CATSPERB: variants seen among roughly 807,000 people sequenced by gnomAD.
The protein encoded by CATSPERB is catsper channel auxiliary subunit beta, also known as cation channel sperm-associated auxiliary subunit beta.
A neutral mutation model predicts 128.3 loss-of-function variants in CATSPERB; 93 were observed. The observed-to-expected ratio is 0.72, with a 90% CI of 0.61 to 0.86. The LOEUF is 0.86. CATSPERB is among the 40% of genes least tolerant of loss of function. The pLI is 0.00. For missense variants in CATSPERB, 1,153 were observed against 1,329.5 expected (o/e 0.87, Z 2.06); for synonymous variants, 381 against 448.8 (o/e 0.85, Z 1.91).
At chr14:91,702,131 A>G (rs1895661272) in intron 7 of CATSPERB, among the ~76,000 whole-genome samples, 1 of 151,902 alleles carries the variant, frequency 6.6e-6, no homozygotes, top group Non-Finnish European at 1.5e-5. Flanking sequence ...TTTCATTTGT[A>G]AGGCAGAATC....
At chr14:91,690,079 G>A (rs1407241734) in intron 10 of CATSPERB, among the ~76,000 whole-genome samples, 2 of 152,128 alleles carry the variant, frequency 1.3e-5, no homozygotes, top group African/African-American at 4.8e-5. Context: ...TGCAACCTCC[G>A]CCTCCTGGGT....
At chr14:91,704,912 G>A (rs754789313) in intron 6 of CATSPERB, among the ~76,000 whole-genome samples, 2 of 152,198 alleles carry the variant, frequency 1.3e-5, no homozygotes, top group Non-Finnish European at 2.9e-5. Flanking sequence ...GTGGGGGGCT[G>A]GCAAGGTTAC....
At chr14:91,685,851 A>G (rs1337668766) in intron 10 of CATSPERB, among the ~76,000 whole-genome samples, 1 of 152,194 alleles carries the variant, frequency 6.6e-6, no homozygotes, top group Non-Finnish European at 1.5e-5. Flanking sequence ...CTGCAGGTAG[A>G]GGCAGGCACA....
chr14:91,587,173 C>T lies in CATSPERB; in HGVS notation c.3132+29G>A, dbSNP rs112944865. ...GTCATGTTTTTTCCCCAGCCATCAC[C>T]CCTCTGATGCCAAGTGCATCCATTT... On this transcript the variant is annotated intron_variant, in intron 26 of 26. Transcript: ENST00000256343. 1.2e-5 allele frequency: 19 copies of T among 1,538,600 alleles called. No individual in the cohort carries two copies. The Admixed American group carries it at 1.3e-4, about 11-fold the overall frequency.
intron 1 of CATSPERB, among the ~76,000 whole-genome samples, chr14:91,730,479 G>T (rs989341428): frequency 6.6e-6 from 1 of 152,188 alleles, no homozygotes; most frequent in South Asian, 2.1e-4. Context: ...GCCACCCAGT[G>T]TATGGGCCTT....
At chr14:91,659,360 C>G (rs1894837029) in intron 15 of CATSPERB, among the ~76,000 whole-genome samples, 1 of 152,134 alleles carries the variant, frequency 6.6e-6, no homozygotes, top group Non-Finnish European at 1.5e-5. Flanking sequence ...TATGCAAACA[C>G]TGATAGGAGC....
At position 91,719,460 on chromosome 14, in the gene CATSPERB, A is replaced by T; in HGVS notation, c.328T>A (p.Trp110Arg). ...NLTLFSDRIL[W>R]LVDIPRENIT... ...TTTTCTCTAGGAATATCAACCAACC[A>T]CAAAATCCGATCACTGAACTTGAAT... The change falls in exon 5 of 27, where the codon TGG becomes AGG. Residue 110 changes from tryptophan (W) to arginine (R), a missense_variant. Coordinates refer to ENST00000256343, the MANE Select transcript of CATSPERB (RefSeq NM_024764.4). 1.2e-6 allele frequency: 2 copies of T among 1,611,608 alleles called. No individual in the cohort carries two copies. The highest frequency in any genetic ancestry group is 1.7e-6 in the Non-Finnish European group (2 of 1,178,728).
At chr14:91,676,280 G>A (rs1895192133) in intron 11 of CATSPERB, among the ~76,000 whole-genome samples, 1 of 152,048 alleles carries the variant, frequency 6.6e-6, no homozygotes, top group African/African-American at 2.4e-5. Flanking sequence ...CCAACTCCTG[G>A]CAATCTAGTT....
At chr14:91,598,401 A>G (rs1893547001) in intron 22 of CATSPERB, among the ~76,000 whole-genome samples, 1 of 152,130 alleles carries the variant, frequency 6.6e-6, no homozygotes, top group African/African-American at 2.4e-5. Flanking sequence ...TTAATTTAAT[A>G]TAACTTTATA....
chr14:91,717,736 A>T (rs1895966414), intron 5 of CATSPERB, among the ~76,000 whole-genome samples: 1 of 152,182 alleles, frequency 6.6e-6, no homozygotes, highest in Non-Finnish European at 1.5e-5. Context: ...TATATTCCCA[A>T]GATTTTACAT....
At chr14:91,587,602 A>C (rs1371256917) in intron 25 of CATSPERB, among the ~76,000 whole-genome samples, 3 of 145,962 alleles carry the variant, frequency 2.1e-5, no homozygotes, top group African/African-American at 7.7e-5. Context: ...CCTAATTCTG[A>C]TTGGTTTTCA....
intron 6 of CATSPERB, among the ~76,000 whole-genome samples, 181 bp downstream of exon 6, chr14:91,707,960 C>T (rs953547491): frequency 1.3e-5 from 2 of 151,850 alleles, no homozygotes; most frequent in Non-Finnish European, 1.5e-5. Flanking sequence ...ATAATTTATC[C>T]ACATGTATTT....
intron 14 of CATSPERB, among the ~76,000 whole-genome samples, chr14:91,666,854 C>T (rs2139826728): frequency 6.6e-6 from 1 of 152,288 alleles, no homozygotes; most frequent in Middle Eastern, 3.4e-3. Context: ...GGATGGGGAA[C>T]CAATCAAGCA....
At chr14:91,722,801 C>T (rs1013451039) in intron 4 of CATSPERB, among the ~76,000 whole-genome samples, 4 of 152,018 alleles carry the variant, frequency 2.6e-5, no homozygotes, top group African/African-American at 9.7e-5. Context: ...CTTACATCTA[C>T]AGGAAGGAAT....
intron 14 of CATSPERB, among the ~76,000 whole-genome samples, chr14:91,668,875 C>T (rs1834222917): frequency 6.6e-6 from 1 of 152,080 alleles, no homozygotes; most frequent in African/African-American, 2.4e-5. Flanking sequence ...CTGGACACAC[C>T]ATCTTTAAGA....
At chr14:91,723,548 A>C (rs182760124) in intron 3 of CATSPERB, among the ~76,000 whole-genome samples, 1 of 152,308 alleles carries the variant, frequency 6.6e-6, no homozygotes, top group East Asian at 1.9e-4. Flanking sequence ...TCTTTACTGG[A>C]TATTTCCTAG....
chr14:91,580,968 CT>C lies in CATSPERB; in HGVS notation c.3271del (p.Arg1091AspfsTer18). On this transcript the variant is annotated frameshift_variant, in exon 27 of 27. Transcript: ENST00000256343. LOFTEE classifies it low-confidence loss of function (END_TRUNC). ...QGIHPWRTFQ[R>X]WIRRNQEKFS... ...CTTCTCTTGGTTTCTTCTAATCCAT[CT>C]TTGGAATGTCCTCCACGGATGGATG... The C allele has an allele frequency of 2.5e-6, 4 of 1,614,230 alleles. No individual in the cohort carries two copies. Among genetic ancestry groups the C allele is most frequent in the Non-Finnish European group, 3.4e-6 (4 of 1,180,036 alleles).
At chr14:91,685,881 C>T (rs1435116551) in intron 10 of CATSPERB, among the ~76,000 whole-genome samples, 1 of 152,190 alleles carries the variant, frequency 6.6e-6, no homozygotes, top group African/African-American at 2.4e-5. Flanking sequence ...AAGCAGTAAG[C>T]ATTTTGTGTG....
At chr14:91,679,269 T>C (rs544429197) in intron 11 of CATSPERB, among the ~76,000 whole-genome samples, 18 of 152,278 alleles carry the variant, frequency 1.2e-4, no homozygotes, top group Admixed American at 3.3e-4. Flanking sequence ...TTCACTAAAG[T>C]TTAAAGTTAT....
Sources: gnomAD v4.1 joint callset for allele counts (sites outside exome capture counted in the v4.1 genomes callset) on GRCh38, gnomAD v4.1.1 for gene constraint, MANE v1.5 for transcripts, NCBI Gene and HGNC (gene_info 2026-07-23, HGNC 2026-07-21) for gene names.